Variants in KLHL32 observed in about 807,000 individuals in gnomAD.
KLHL32 encodes the protein kelch like family member 32.
A neutral mutation model predicts 64.8 loss-of-function variants in KLHL32; 35 were observed. The observed-to-expected ratio is 0.54, with a 90% CI of 0.41 to 0.72. The LOEUF is 0.72. Ranked by LOEUF, KLHL32 falls within the 30% of genes least tolerant of loss-of-function variation. The pLI is 0.00. For missense variants in KLHL32, 589 were observed against 768.5 expected, an observed-to-expected ratio of 0.77 and a Z score of 2.76; for synonymous variants, 259 against 281.0, an observed-to-expected ratio of 0.92 and a Z score of 0.78.
chr6:97,020,674 C>T (rs921946148), intron 3 of KLHL32, among the ~76,000 whole-genome samples: 6 of 150,946 alleles, frequency 4.0e-5, no homozygotes, highest in Admixed American at 2.6e-4. Flanking sequence ...AAATAAAATA[C>T]AGCCAAGTTC....
the KLHL32 span, among the ~76,000 whole-genome samples, chr6:96,906,345 G>A: frequency 6.6e-6 from 1 of 152,194 alleles, no homozygotes; most frequent in African/African-American, 2.4e-5. Flanking sequence ...TAAGAGGGTG[G>A]TGGAATGAAG....
At chr6:97,056,168 C>A (rs889430136) in intron 4 of KLHL32, among the ~76,000 whole-genome samples, 1 of 143,982 alleles carries the variant, frequency 6.9e-6, no homozygotes, top group South Asian at 2.2e-4. Flanking sequence ...TGCAGTGGCA[C>A]GATCTCGGCT....
At chr6:96,984,987 G>C (rs1776827266) in intron 3 of KLHL32, among the ~76,000 whole-genome samples, 1 of 148,708 alleles carries the variant, frequency 6.7e-6, no homozygotes, top group Non-Finnish European at 1.5e-5. Context: ...TTACAATTTG[G>C]CATGTTTTTG....
At chr6:97,122,277 T>C (rs1798447011) in intron 7 of KLHL32, among the ~76,000 whole-genome samples, 1 of 152,220 alleles carries the variant, frequency 6.6e-6, no homozygotes, top group Non-Finnish European at 1.5e-5. Flanking sequence ...GTTTTGAGTA[T>C]ATTAAGTACC....
chr6:97,021,586 T>C (rs775208350), intron 3 of KLHL32, among the ~76,000 whole-genome samples: 10 of 150,908 alleles, frequency 6.6e-5, no homozygotes, highest in Non-Finnish European at 1.2e-4. Context: ...AACATGTTAA[T>C]TTCATCCAGA....
intron 4 of KLHL32, among the ~76,000 whole-genome samples, chr6:97,047,597 C>G (rs1443232913): frequency 2.0e-5 from 3 of 152,208 alleles, no homozygotes; most frequent in African/African-American, 7.2e-5. Context: ...CTCCCTTACT[C>G]TCCTCACTTT....
At chr6:96,985,837 A>T (rs1260319284) in intron 3 of KLHL32, among the ~76,000 whole-genome samples, 1 of 151,842 alleles carries the variant, frequency 6.6e-6, no homozygotes, top group East Asian at 1.9e-4. Context: ...TTTAGCTCAG[A>T]GTAGTTTGAT....
At chr6:96,976,392 C>T (rs1293894989) in intron 3 of KLHL32, among the ~76,000 whole-genome samples, 2 of 151,996 alleles carry the variant, frequency 1.3e-5, no homozygotes, top group African/African-American at 4.8e-5. Flanking sequence ...AACAGACCTC[C>T]CTTGGCATCT....
chr6:96,948,269 T>A (rs949348715), intron 1 of KLHL32, among the ~76,000 whole-genome samples: 1 of 152,174 alleles, frequency 6.6e-6, no homozygotes, highest in Admixed American at 6.6e-5. Context: ...ATTAGATTGG[T>A]GATCTTGGGA....
At chr6:96,955,556 C>T (rs950880705) in intron 1 of KLHL32, among the ~76,000 whole-genome samples, 3 of 152,082 alleles carry the variant, frequency 2.0e-5, no homozygotes, top group Admixed American at 1.3e-4. Flanking sequence ...GAGTTGCATT[C>T]AGTGCAAACA....
At chr6:97,092,171 A>C (rs1208226451) in intron 6 of KLHL32, among the ~76,000 whole-genome samples, 1 of 151,938 alleles carries the variant, frequency 6.6e-6, no homozygotes, top group East Asian at 1.9e-4. Context: ...TTGTATTTTT[A>C]GTAGAGACAG....
At chr6:97,138,667 G>A (rs1800340880) in intron 10 of KLHL32, among the ~76,000 whole-genome samples, 1 of 152,172 alleles carries the variant, frequency 6.6e-6, no homozygotes, top group South Asian at 2.1e-4. Flanking sequence ...ACTAAGCTGT[G>A]TTATATTCCA....
intron 2 of KLHL32, among the ~76,000 whole-genome samples, chr6:96,971,474 A>T (rs1281234930): frequency 6.6e-6 from 1 of 152,204 alleles, no homozygotes; most frequent in East Asian, 1.9e-4. Flanking sequence ...TCAATTCCAG[A>T]ATGAAAGTTA....
intron 8 of KLHL32, among the ~76,000 whole-genome samples, chr6:97,129,913 C>G (rs910391022): frequency 6.6e-6 from 1 of 151,980 alleles, no homozygotes; most frequent in Non-Finnish European, 1.5e-5. Flanking sequence ...CAAAACAAAA[C>G]TTAGTCTTCC....
At chr6:97,120,277 A>T (rs1479037890) in intron 7 of KLHL32, among the ~76,000 whole-genome samples, 1 of 152,120 alleles carries the variant, frequency 6.6e-6, no homozygotes, top group Non-Finnish European at 1.5e-5. Context: ...AGGGGCAGGA[A>T]CCTGAGGAGG....
At chr6:96,902,230 C>T in the KLHL32 span, among the ~76,000 whole-genome samples, 42,102 of 152,048 alleles carry the variant, frequency 0.28, 5,860 homozygotes, top group South Asian at 0.32. Flanking sequence ...CCTTTTTCTC[C>T]ACAATCTTGC....
intron 3 of KLHL32, among the ~76,000 whole-genome samples, chr6:97,022,933 A>G (rs1782210118): frequency 6.6e-6 from 1 of 152,240 alleles, no homozygotes; most frequent in Non-Finnish European, 1.5e-5. Flanking sequence ...CATAAGGCGA[A>G]GAGGAGGCAA....
rs377339491 is a variant in KLHL32 at position 97,139,326 on chromosome 6, G to C, written c.*44G>C. ...ACAGGAGGAAAACATAGCTCTGACT[G>C]TTGGATACTGGGCATGAAAAGACTC... On this transcript the variant is annotated 3_prime_UTR_variant, in exon 11 of 11. Coordinates refer to ENST00000369261, the MANE Select transcript of KLHL32 (RefSeq NM_052904.4). The C allele has an allele frequency of 3.9e-5, 60 of 1,528,778 alleles. No individual in the cohort carries two copies. Among genetic ancestry groups the C allele is most frequent in the Non-Finnish European group, 5.2e-5 (58 of 1,116,392 alleles). The allele number at this position is 1,528,778 out of a possible 1,614,324, so 94.7% of individuals were successfully genotyped here. A position where few individuals can be genotyped will look rare whatever the true frequency, so the allele number is the denominator to read the frequency against.
the KLHL32 span, among the ~76,000 whole-genome samples, chr6:96,898,619 C>A: frequency 1.3e-5 from 2 of 152,016 alleles, no homozygotes; most frequent in East Asian, 3.9e-4. Flanking sequence ...TCTCCTATTT[C>A]TCTTCTCTCT....
Sources: gnomAD v4.1 joint callset for allele counts (sites outside exome capture counted in the v4.1 genomes callset) on GRCh38, gnomAD v4.1.1 for gene constraint, MANE v1.5 for transcripts, NCBI Gene and HGNC (gene_info 2026-07-23, HGNC 2026-07-21) for gene names.